Variants in SLC14A2 observed in about 807,000 individuals in gnomAD.
The protein encoded by SLC14A2 is solute carrier family 14 member 2.
A neutral mutation model predicts 104.6 loss-of-function variants in SLC14A2; 91 were observed. That is an observed-to-expected ratio of 0.87 (90% confidence interval 0.73 to 1.04). SLC14A2 has a LOEUF of 1.04. Among genes scored for constraint, SLC14A2 ranks in the 50% least tolerant of loss-of-function variants. The probability of loss-of-function intolerance (pLI) is 0.00; values close to 1 mark genes in which losing one functional copy is unlikely to be tolerated. For missense variants in SLC14A2, 1,189 were observed against 1,156.0 expected (o/e 1.03, Z -0.41); for synonymous variants, 476 against 466.4 (o/e 1.02, Z -0.27).
intron 2 of SLC14A2, among the ~76,000 whole-genome samples, chr18:45,549,162 G>T (rs531238748): frequency 1.3e-5 from 2 of 152,368 alleles, no homozygotes; most frequent in East Asian, 3.9e-4. Context: ...GTGACCACAA[G>T]GGGCCTCACC....
intron 1 of SLC14A2, among the ~76,000 whole-genome samples, chr18:45,432,400 A>T (rs2144554056): frequency 6.6e-6 from 1 of 152,306 alleles, no homozygotes; most frequent in South Asian, 2.1e-4. Flanking sequence ...ATAATAGGTG[A>T]TTAATTAACA....
chr18:45,466,671 G>A (rs2087148458), intron 1 of SLC14A2, among the ~76,000 whole-genome samples: 1 of 150,540 alleles, frequency 6.6e-6, no homozygotes, highest in Non-Finnish European at 1.5e-5. Flanking sequence ...GAACAAGTAG[G>A]GTAGTCATAA....
At chr18:45,262,455 C>A (rs1255139073) in intron 1 of SLC14A2, among the ~76,000 whole-genome samples, 1 of 152,274 alleles carries the variant, frequency 6.6e-6, no homozygotes, top group Non-Finnish European at 1.5e-5. Flanking sequence ...GGGGATGCTG[C>A]AGTCATCATT....
chr18:45,179,232 C>CAATCT, the SLC14A2 span, among the ~76,000 whole-genome samples: 3 of 152,284 alleles, frequency 2.0e-5, no homozygotes, highest in African/African-American at 7.2e-5. Context: ...GCACACCAAA[C>CAATCT]AATCTATTTG....
intron 14 of SLC14A2, 77 bp downstream of exon 14, chr18:45,668,099 G>C: frequency 7.1e-7 from 1 of 1,410,620 alleles, no homozygotes; most frequent in Admixed American, 1.9e-5. Context: ...CCTCTTCCCA[G>C]CTGAGAAATC....
At chr18:45,560,949 C>T (rs150820592) in intron 2 of SLC14A2, among the ~76,000 whole-genome samples, 5 of 152,242 alleles carry the variant, frequency 3.3e-5, no homozygotes, top group Non-Finnish European at 5.9e-5. Context: ...CTGCTTAACA[C>T]GGAAAAAGTC....
intron 1 of SLC14A2, among the ~76,000 whole-genome samples, chr18:45,471,168 A>G (rs1331686574): frequency 6.6e-6 from 1 of 152,212 alleles, no homozygotes; most frequent in Non-Finnish European, 1.5e-5. Context: ...TACTTGAACA[A>G]CAGTTTGAGT....
At position 45,667,864 on chromosome 18, in the gene SLC14A2, G is replaced by A; in HGVS notation, c.1749G>A (p.Trp583Ter). Residue 583 changes from tryptophan to a stop codon, truncating the protein, a stop_gained, in exon 14 of 20, where the codon TGG becomes TGA. Transcript: ENST00000255226. LOFTEE classifies it high-confidence loss of function. Reference sequence around the variant, plus strand: ...CCCCAGTGTTCCAGTTCTTTGACTGGGTCCTCCGAGGCACATCTCAAGTGA... The same window carrying A: ...CCCCAGTGTTCCAGTTCTTTGACTGAGTCCTCCGAGGCACATCTCAAGTGA... ...DKSPVFQFFDWVLRGTSQVMF... is the reference protein window; with the variant it reads ...DKSPVFQFFD 6.2e-7 allele frequency: 1 copy of A among 1,614,078 alleles called. No homozygotes were observed.
At chr18:45,202,100 T>G in the SLC14A2 span, among the ~76,000 whole-genome samples, 1 of 152,208 alleles carries the variant, frequency 6.6e-6, no homozygotes, top group Non-Finnish European at 1.5e-5. Flanking sequence ...CAGCAGGTAT[T>G]AATAAGCTAT....
intron 2 of SLC14A2, among the ~76,000 whole-genome samples, chr18:45,594,378 C>T (rs972204931): frequency 6.6e-6 from 1 of 152,192 alleles, no homozygotes; most frequent in Non-Finnish European, 1.5e-5. Context: ...CTGGGGAAAG[C>T]AGAATTTGAA....
intron 1 of SLC14A2, among the ~76,000 whole-genome samples, chr18:45,459,381 T>A (rs2087002202): frequency 6.6e-6 from 1 of 152,210 alleles, no homozygotes; most frequent in Non-Finnish European, 1.5e-5. Context: ...TCTGTGCTGT[T>A]GTGCCCTCAC....
chr18:45,601,471 T>C (rs749964242), intron 2 of SLC14A2, among the ~76,000 whole-genome samples: 6 of 152,214 alleles, frequency 3.9e-5, no homozygotes, highest in Non-Finnish European at 7.3e-5. Context: ...AATTGTTCTA[T>C]GGCCACATAG....
At chr18:45,551,845 G>A (rs2044060166) in intron 2 of SLC14A2, among the ~76,000 whole-genome samples, 1 of 152,164 alleles carries the variant, frequency 6.6e-6, no homozygotes, top group Non-Finnish European at 1.5e-5. Context: ...GAGTTGGAAG[G>A]GGAGACTTAT....
At chr18:45,417,095 G>A (rs192252901) in intron 1 of SLC14A2, among the ~76,000 whole-genome samples, 1 of 152,198 alleles carries the variant, frequency 6.6e-6, no homozygotes, top group Non-Finnish European at 1.5e-5. Flanking sequence ...GTTAGAGCTA[G>A]GGGTTGGTGG....
chr18:45,630,897 C>T (rs1317459609), intron 4 of SLC14A2, among the ~76,000 whole-genome samples: 1 of 152,162 alleles, frequency 6.6e-6, no homozygotes, highest in Non-Finnish European at 1.5e-5. Flanking sequence ...TGTGCTACAG[C>T]TTTCTTGCAG....
At chr18:45,485,020 A>G (rs150176104) in intron 2 of SLC14A2, 30 of 152,354 alleles carry the variant, frequency 2.0e-4, no homozygotes, top group African/African-American at 7.0e-4. Context: ...TATAATGATT[A>G]GCACTACTGC....
At chr18:45,245,022 A>G (rs768804656) in intron 1 of SLC14A2, among the ~76,000 whole-genome samples, 3 of 152,196 alleles carry the variant, frequency 2.0e-5, no homozygotes, top group Non-Finnish European at 4.4e-5. Flanking sequence ...CTGGCTAAAT[A>G]CTTTATGCCA....
intron 1 of SLC14A2, among the ~76,000 whole-genome samples, chr18:45,342,292 G>A (rs1425571823): frequency 1.3e-5 from 2 of 152,198 alleles, no homozygotes; most frequent in East Asian, 3.8e-4. Flanking sequence ...GTGACCAGAT[G>A]AGACGTTGCT....
intron 2 of SLC14A2, among the ~76,000 whole-genome samples, chr18:45,570,400 C>A (rs534298656): frequency 6.6e-6 from 1 of 152,294 alleles, no homozygotes; most frequent in South Asian, 2.1e-4. Context: ...TCTTAAAGCA[C>A]CCTCCTCTAA....
Sources: allele counts gnomAD v4.1 joint callset (sites outside exome capture counted in the v4.1 genomes callset), GRCh38; gene constraint gnomAD v4.1.1; transcripts MANE v1.5; gene names NCBI Gene and HGNC (gene_info 2026-07-23, HGNC 2026-07-21).